The following GPC6 variants were observed in gnomAD, a reference collection of about 807,000 sequenced individuals.
GPC6 encodes the protein glypican 6.
In GPC6, 14 loss-of-function variants were observed where a neutral mutation model predicts 55.2. That is an observed-to-expected ratio of 0.25 (90% CI 0.17 to 0.40). The LOEUF is 0.40. Among genes scored for constraint, GPC6 ranks in the 10% least tolerant of loss-of-function variants. The probability of loss-of-function intolerance (pLI) is 1.00; values close to 1 mark genes in which losing one functional copy is unlikely to be tolerated. For synonymous variants in GPC6, 278 were observed against 259.6 expected, an observed-to-expected ratio of 1.07 and a Z score of -0.68; for missense variants, 641 against 708.5, an observed-to-expected ratio of 0.90 and a Z score of 1.08.
At chr13:93,944,704 T>C (rs1030726132) in intron 3 of GPC6, among the ~76,000 whole-genome samples, 3 of 152,226 alleles carry the variant, frequency 2.0e-5, no homozygotes, top group African/African-American at 7.2e-5. Context: ...AGTTGCGCTA[T>C]ATCCTGCTGT....
At chr13:93,537,151 T>G (rs893117489) in intron 1 of GPC6, among the ~76,000 whole-genome samples, 2 of 152,106 alleles carry the variant, frequency 1.3e-5, no homozygotes, top group African/African-American at 2.4e-5. Context: ...CCAGAAAAAT[T>G]TTCGTAAGTT....
At chr13:93,941,763 A>G (rs1029519278) in intron 3 of GPC6, among the ~76,000 whole-genome samples, 2 of 152,340 alleles carry the variant, frequency 1.3e-5, no homozygotes, top group South Asian at 2.1e-4. Flanking sequence ...AGACACTTAT[A>G]TAGACTTATT....
intron 3 of GPC6, among the ~76,000 whole-genome samples, chr13:93,915,885 T>TGTGA (rs1877262723): frequency 6.6e-6 from 1 of 152,124 alleles, no homozygotes; most frequent in Non-Finnish European, 1.5e-5. Flanking sequence ...GATTTAGCTT[T>TGTGA]GTGAGTGGCT....
At chr13:93,652,575 C>G (rs1431450306) in intron 2 of GPC6, among the ~76,000 whole-genome samples, 1 of 152,108 alleles carries the variant, frequency 6.6e-6, no homozygotes, top group Non-Finnish European at 1.5e-5. Context: ...CAACTCTGTC[C>G]CCTTCTATCC....
intron 2 of GPC6, among the ~76,000 whole-genome samples, chr13:93,827,283 G>A (rs1887299979): frequency 6.6e-6 from 1 of 152,118 alleles, no homozygotes. Context: ...TCAGTAAAAT[G>A]GATCACATAA....
intron 1 of GPC6, among the ~76,000 whole-genome samples, chr13:93,527,141 A>C (rs979420866): frequency 6.6e-6 from 1 of 152,060 alleles, no homozygotes; most frequent in Non-Finnish European, 1.5e-5. Flanking sequence ...GAATGAAATG[A>C]TTACTGCAGT....
chr13:93,324,573 C>CACACATACATACATATATATAT (rs1447842863), intron 1 of GPC6, among the ~76,000 whole-genome samples: 4 of 105,508 alleles, frequency 3.8e-5, no homozygotes, highest in African/African-American at 1.8e-4. Context: ...TATATATATA[C>CACACATACATACATATATATAT]ACACACATAC....
intron 1 of GPC6, among the ~76,000 whole-genome samples, chr13:93,354,492 A>C (rs1352693515): frequency 6.7e-6 from 1 of 149,612 alleles, no homozygotes; most frequent in Non-Finnish European, 1.5e-5. Flanking sequence ...CTGGGACTAC[A>C]GGTGCCCGCT....
chr13:93,360,650 T>C (rs974197863), intron 1 of GPC6, among the ~76,000 whole-genome samples: 7 of 152,354 alleles, frequency 4.6e-5, no homozygotes, highest in South Asian at 2.1e-4. Context: ...GTGTTTACTT[T>C]TGAATCCCCC....
chr13:93,285,644 G>C (rs1255588201), intron 1 of GPC6, among the ~76,000 whole-genome samples: 1 of 149,134 alleles, frequency 6.7e-6, no homozygotes, highest in East Asian at 1.9e-4. Flanking sequence ...GTGTGTGTGT[G>C]TGTGTGTGTG....
chr13:93,285,485 A>C (rs1878080290), intron 1 of GPC6, among the ~76,000 whole-genome samples: 1 of 152,196 alleles, frequency 6.6e-6, no homozygotes, highest in African/African-American at 2.4e-5. Context: ...ATTAGACTAC[A>C]AATCATGGTT....
intron 1 of GPC6, among the ~76,000 whole-genome samples, chr13:93,319,516 C>T (rs1238257020): frequency 6.6e-6 from 1 of 152,024 alleles, no homozygotes; most frequent in Non-Finnish European, 1.5e-5. Context: ...ACAAGAGAGA[C>T]CTTGTGAGAA....
intron 4 of GPC6, among the ~76,000 whole-genome samples, chr13:94,159,586 A>G (rs1352486058): frequency 1.3e-5 from 2 of 152,170 alleles, no homozygotes; most frequent in African/African-American, 2.4e-5. Flanking sequence ...CTCCCACAAC[A>G]CATGGGAATC....
chr13:93,602,990 T>C (rs995695667), intron 2 of GPC6, among the ~76,000 whole-genome samples: 1 of 149,438 alleles, frequency 6.7e-6, no homozygotes, highest in African/African-American at 2.4e-5. Flanking sequence ...CTTTTTCTTT[T>C]TTCTTTTTTC....
At chr13:93,623,170 C>G (rs1184329203) in intron 2 of GPC6, among the ~76,000 whole-genome samples, 1 of 152,032 alleles carries the variant, frequency 6.6e-6, no homozygotes, top group African/African-American at 2.4e-5. Flanking sequence ...TTGATGGATA[C>G]TTCAGTTGAC....
chr13:93,817,606 C>T (rs528194738), intron 2 of GPC6, among the ~76,000 whole-genome samples: 180 of 152,198 alleles, frequency 1.2e-3, no homozygotes, highest in African/African-American at 4.2e-3. Context: ...CGCCTGTAAT[C>T]CTAGCACTCT....
At chr13:94,173,438 T>C (rs1214076164) in intron 4 of GPC6, among the ~76,000 whole-genome samples, 3 of 152,146 alleles carry the variant, frequency 2.0e-5, no homozygotes, top group African/African-American at 4.8e-5. Flanking sequence ...GTGGAGATGA[T>C]TCAAGTATCA....
chr13:93,612,171 A>G (rs934219486), intron 2 of GPC6, among the ~76,000 whole-genome samples: 3 of 152,176 alleles, frequency 2.0e-5, no homozygotes, highest in African/African-American at 7.2e-5. Context: ...GTGTTGCTAT[A>G]GTTTCCTTAT....
intron 1 of GPC6, among the ~76,000 whole-genome samples, chr13:93,310,430 A>G (rs554083923): frequency 2.8e-4 from 42 of 152,290 alleles, no homozygotes; most frequent in Non-Finnish European, 1.6e-4. Context: ...CAAAACCAGA[A>G]TCACCCTCAG....
Sources: gnomAD v4.1 joint callset for allele counts (sites outside exome capture counted in the v4.1 genomes callset) on GRCh38, gnomAD v4.1.1 for gene constraint, MANE v1.5 for transcripts, NCBI Gene and HGNC (gene_info 2026-07-23, HGNC 2026-07-21) for gene names.